KLF8: variants seen among roughly 807,000 people sequenced by gnomAD.
The protein encoded by KLF8 is KLF transcription factor 8.
KLF8 carries 10 observed loss-of-function variants against 18.2 expected under a neutral mutation model. That is an observed-to-expected ratio of 0.55 (90% CI 0.34 to 0.93). The LOEUF (loss-of-function observed/expected upper bound fraction) is 0.93. KLF8 is among the 40% of genes least tolerant of loss of function. KLF8 has a pLI of 0.02. For synonymous variants in KLF8, 109 were observed against 97.3 expected (o/e 1.12, Z -0.71); for missense variants, 264 against 277.9 (o/e 0.95, Z 0.36).
chrX:56,066,393 AC>A, the KLF8 span, among the ~76,000 whole-genome samples: 1 of 112,145 alleles, frequency 8.9e-6, no homozygotes, highest in Non-Finnish European at 1.9e-5. Context: ...TCATGTGAGC[AC>A]CGACTATGGT....
At chrX:56,183,468 C>G in the KLF8 span, among the ~76,000 whole-genome samples, 1 of 111,696 alleles carries the variant, frequency 9.0e-6, no homozygotes, top group Non-Finnish European at 1.9e-5. Flanking sequence ...GTGGGCTGCA[C>G]CCACTGTCCA....
the KLF8 span, among the ~76,000 whole-genome samples, chrX:56,073,009 C>T: frequency 4.1e-5 from 4 of 97,886 alleles, no homozygotes; most frequent in South Asian, 4.7e-4. Context: ...TTTTTTGAGA[C>T]GGAGTCTCAC....
At chrX:56,048,534 C>T in the KLF8 span, among the ~76,000 whole-genome samples, 13 of 111,975 alleles carry the variant, frequency 1.2e-4, no homozygotes, top group South Asian at 4.5e-3. Context: ...AATCCTTTCC[C>T]CATTTCTTGT....
the KLF8 span, among the ~76,000 whole-genome samples, chrX:55,937,441 A>T: frequency 8.9e-6 from 1 of 111,926 alleles, no homozygotes; most frequent in African/African-American, 3.2e-5. Flanking sequence ...GAGCAGAAAA[A>T]CCAGAAACTC....
the KLF8 span, among the ~76,000 whole-genome samples, chrX:56,198,117 C>T: frequency 9.8e-5 from 11 of 111,867 alleles, no homozygotes; most frequent in Admixed American, 3.8e-4. Context: ...TTAGGACAAA[C>T]CTACAGCCAA....
the KLF8 span, among the ~76,000 whole-genome samples, chrX:56,048,732 G>A: frequency 9.0e-6 from 1 of 111,694 alleles, no homozygotes; most frequent in Non-Finnish European, 1.9e-5. Flanking sequence ...TTTGGCTTAG[G>A]ATTGACGTGG....
chrX:56,170,201 C>T, the KLF8 span, among the ~76,000 whole-genome samples: 1 of 110,341 alleles, frequency 9.1e-6, no homozygotes, highest in East Asian at 2.9e-4. Context: ...ACCTGGAAAG[C>T]TTTCCCAAGC....
chrX:56,065,390 T>G, the KLF8 span, among the ~76,000 whole-genome samples: 1 of 112,333 alleles, frequency 8.9e-6, no homozygotes, highest in Non-Finnish European at 1.9e-5. Context: ...TATTTTTATT[T>G]CATTCAATGA....
chrX:56,038,972 C>CT, the KLF8 span, among the ~76,000 whole-genome samples: 1 of 112,089 alleles, frequency 8.9e-6, no homozygotes, highest in Non-Finnish European at 1.9e-5. Flanking sequence ...TGACGGTGAG[C>CT]TTTTTTTCCC....
At chrX:56,069,056 T>C in the KLF8 span, among the ~76,000 whole-genome samples, 1 of 111,416 alleles carries the variant, frequency 9.0e-6, no homozygotes, top group Non-Finnish European at 1.9e-5. Flanking sequence ...CACTTCTGTC[T>C]GAACTATGCT....
At chrX:56,147,120 G>C in the KLF8 span, among the ~76,000 whole-genome samples, 1 of 112,131 alleles carries the variant, frequency 8.9e-6, no homozygotes, top group African/African-American at 3.2e-5. Flanking sequence ...AGACACATCA[G>C]AATGTGGCAT....
chrX:56,161,103 A>C, the KLF8 span, among the ~76,000 whole-genome samples: 2 of 111,508 alleles, frequency 1.8e-5, no homozygotes, highest in East Asian at 5.6e-4. Flanking sequence ...AAAATCTCTG[A>C]ACATTTGCTC....
the KLF8 span, among the ~76,000 whole-genome samples, chrX:56,021,903 C>T: frequency 1.4e-4 from 15 of 107,248 alleles, no homozygotes; most frequent in African/African-American, 5.1e-4. Context: ...TTCATAGCCT[C>T]ATTCAGTACA....
At chrX:56,116,986 G>T in the KLF8 span, among the ~76,000 whole-genome samples, 1 of 110,577 alleles carries the variant, frequency 9.0e-6, no homozygotes, top group Non-Finnish European at 1.9e-5. Flanking sequence ...TAATAAGTTA[G>T]AACTCTTGGC....
At chrX:56,186,911 C>G in the KLF8 span, among the ~76,000 whole-genome samples, 3 of 111,784 alleles carry the variant, frequency 2.7e-5, no homozygotes, top group Non-Finnish European at 5.6e-5. Context: ...TAAATGCCCA[C>G]AAGAGAAAGC....
At chrX:56,231,123 C>A (rs1405698807), upstream of KLF8, among the ~76,000 whole-genome samples, 2 of 111,963 alleles carry the variant, frequency 1.8e-5, no homozygotes, top group Middle Eastern at 4.2e-3. Flanking sequence ...ACAGCAAAAT[C>A]TCTGCTGCTT....
chrX:56,048,449 G>A, the KLF8 span, among the ~76,000 whole-genome samples: 3 of 111,791 alleles, frequency 2.7e-5, no homozygotes, highest in East Asian at 5.6e-4. Flanking sequence ...TTTGTATAAG[G>A]TGTAAGGAAG....
At chrX:56,088,271 C>T in the KLF8 span, among the ~76,000 whole-genome samples, 1 of 111,647 alleles carries the variant, frequency 9.0e-6, no homozygotes, top group Non-Finnish European at 1.9e-5. Context: ...ACTGAACTTT[C>T]CATTGCACAT....
the KLF8 span, among the ~76,000 whole-genome samples, chrX:56,148,815 A>T: frequency 9.0e-6 from 1 of 111,673 alleles, no homozygotes; most frequent in Admixed American, 9.6e-5. Context: ...CTGCCCCATG[A>T]TTCACTTATG....
Sources: allele counts gnomAD v4.1 joint callset (sites outside exome capture counted in the v4.1 genomes callset), GRCh38; gene constraint gnomAD v4.1.1; transcripts MANE v1.5; gene names NCBI Gene and HGNC (gene_info 2026-07-23, HGNC 2026-07-21).